The following HEATR6 variants were observed in gnomAD, a reference collection of about 807,000 sequenced individuals.
The protein encoded by HEATR6 is HEAT repeat containing 6, also known as HEAT repeat-containing protein 6.
A neutral mutation model predicts 132.8 loss-of-function variants in HEATR6; 106 were observed. The observed-to-expected ratio is 0.80, with a 90% CI of 0.68 to 0.94. HEATR6 has a LOEUF of 0.94. Ranked by LOEUF, HEATR6 falls within the 40% of genes least tolerant of loss-of-function variation. The pLI is 0.00. For synonymous variants in HEATR6, 529 were observed against 537.8 expected, an observed-to-expected ratio of 0.98 and a Z score of 0.23; for missense variants, 1,339 against 1,425.1, an observed-to-expected ratio of 0.94 and a Z score of 0.97.
chr17:60,047,842 C>T (rs144644745), intron 17 of HEATR6, among the ~76,000 whole-genome samples: 76 of 152,300 alleles, frequency 5.0e-4, no homozygotes, highest in African/African-American at 1.7e-3. Context: ...TAACCAGCTA[C>T]CTCTGGGGAG....
chr17:60,073,780 G>C lies in HEATR6; in HGVS notation c.434C>G (p.Ala145Gly), dbSNP rs200715816. The change falls in exon 3 of 20, where the codon GCT (alanine) becomes GGT (glycine). Residue 145 changes from alanine to glycine, a missense_variant. Physicochemically the swap from Ala to Gly is moderately conservative, Grantham distance 60. Coordinates refer to ENST00000184956, the MANE Select transcript of HEATR6 (RefSeq NM_022070.5). ...THREILQALAALVYCNGSKCQ... is the reference protein window; with the variant it reads ...THREILQALAGLVYCNGSKCQ... ...TTTGGAGCCATTGCAGTACACCAGA[G>C]CTGCCAGGGCTTGAAGAATTTCCCT... The C allele has an allele frequency of 1.9e-6, 3 of 1,614,018 alleles. No homozygotes were observed. Among genetic ancestry groups the C allele is most frequent in the Admixed American group, 3.3e-5 (2 of 60,010 alleles).
intron 8 of HEATR6, 34 bp from the exon 9 acceptor site, chr17:60,066,420 T>TA (rs200645690): frequency 1.4e-6 from 2 of 1,465,592 alleles, no homozygotes; most frequent in Non-Finnish European, 1.8e-6. Flanking sequence ...AAAAAACACT[T>TA]AAAAAATCAT....
Position 60,067,628 on chromosome 17 carries a change from T to C in HEATR6, c.1044A>G (p.Thr348=). The change falls in exon 8 of 20, where the codon ACA becomes ACG. Residue 348 remains threonine (T), a synonymous_variant. Coordinates refer to ENST00000184956, the MANE Select transcript of HEATR6 (RefSeq NM_022070.5). ...GEIEAAPVTG[T]GRVNLHEGNT... is the part of the protein sequence containing the mutation. Reference sequence around the variant, plus strand: ...TCCCTTCATGCAGGTTCACTCTGCCTGTGCCAGTGACTGGGGCTGCCTCTA... The same window carrying C: ...TCCCTTCATGCAGGTTCACTCTGCCCGTGCCAGTGACTGGGGCTGCCTCTA... 2 of 1,612,568 alleles carry C rather than the reference T, an allele frequency of 1.2e-6. No individual in the cohort carries two copies. The highest frequency in any genetic ancestry group is 1.7e-6 in the Non-Finnish European group (2 of 1,179,446).
chr17:60,056,151 C>A lies in HEATR6; in HGVS notation c.2166G>T (p.Gly722=). 6.2e-7 allele frequency: 1 copy of A among 1,613,998 alleles called. No homozygotes were observed. The highest frequency in any genetic ancestry group is 8.5e-7 in the Non-Finnish European group (1 of 1,179,920). Residue 722 remains glycine (G), a synonymous_variant, in exon 13 of 20, where the codon GGG becomes GGT. Transcript: ENST00000184956. ...ELGEVICKCM[G]EADPSIQLHG... ...GAAGCTGAATGGATGGATCTGCTTCCCCCATGCACTTGCAAATCACCTCTC... is the reference window on the plus strand; with the variant it reads ...GAAGCTGAATGGATGGATCTGCTTCACCCATGCACTTGCAAATCACCTCTC...
chr17:60,049,224 G>A (rs1486690427), intron 16 of HEATR6, among the ~76,000 whole-genome samples: 2 of 150,346 alleles, frequency 1.3e-5, no homozygotes, highest in African/African-American at 4.9e-5. Flanking sequence ...CACATCCCAG[G>A]CTCAAGTGAG....
In HEATR6 at chr17:60,048,998, A is replaced by AACG. The variant is rs1568608518; in HGVS notation, c.2547+581_2547+582insCGT. Among the ~76,000 whole-genome samples, 661 of 128,452 alleles carry AACG rather than the reference A, an allele frequency of 5.1e-3. 24 individuals carry two copies. Among genetic ancestry groups the AACG allele is most frequent in the African/African-American group, 0.019 (617 of 32,312 alleles). 84.3% of individuals were successfully genotyped at this position (128,452 alleles called of 152,430 possible). ...ATATATATATAATATATATATATAT[A>AACG]TATATATATATATATATATATGGTA... On this transcript the variant is annotated intron_variant, in intron 16 of 19. Transcript: ENST00000184956.
Position 60,046,211 on chromosome 17 carries a change from G to A in HEATR6, c.2788C>T (p.Arg930Trp), listed in dbSNP as rs758324010. ...DKDKVKSNAV[R>W]ALGNLLHFLQ... ...AAATGAAGCAAATTTCCAAGGGCCC[G>A]GACTGCATTGCTTTTTACCTAGAAA... Residue 930 changes from arginine to tryptophan, a missense_variant, in exon 19 of 20, where the codon CGG (arginine) becomes TGG (tryptophan). Transcript: ENST00000184956. 12 of 1,610,032 alleles carry A rather than the reference G, an allele frequency of 7.5e-6. No individual in the cohort carries two copies. The highest frequency in any genetic ancestry group is 3.3e-5 in the South Asian group (3 of 90,514).
Position 60,059,637 on chromosome 17 carries a change from CT to C in HEATR6, c.1624-117del, listed in dbSNP as rs946096023. 41 of 707,796 alleles carry C rather than the reference CT, an allele frequency of 5.8e-5. 1 individual carries two copies. Among genetic ancestry groups the C allele is most frequent in the South Asian group, 2.1e-4 (11 of 53,170 alleles). The allele number at this position is 707,796 out of a possible 1,614,324, so 43.8% of individuals were successfully genotyped here. The stretch of plus-strand genomic sequence containing the variant: ...TTCACACAACTAAAAATTAGCCCCC[CT>C]TTTTTTTAATAACACTTGTATTCTC... On this transcript the variant is annotated intron_variant, in intron 10 of 19. Coordinates refer to ENST00000184956, the MANE Select transcript of HEATR6 (RefSeq NM_022070.5).
In HEATR6 at chr17:60,041,577, A is replaced by G. The variant is rs750061326; in HGVS notation, c.*1986T>C. 8.5e-5 allele frequency among the ~76,000 whole-genome samples: 13 copies of G among 152,218 alleles called. No homozygotes were observed. Among genetic ancestry groups the G allele is most frequent in the Non-Finnish European group, 1.3e-4 (9 of 68,050 alleles). On this transcript the variant is annotated 3_prime_UTR_variant, in exon 20 of 20. Coordinates refer to ENST00000184956, the MANE Select transcript of HEATR6 (RefSeq NM_022070.5). ...GGGCCCTCTATAACACTTCATGTTCAGAATTGTCTCCAAATAAAAGCAATT... is the reference window on the plus strand; with the variant it reads ...GGGCCCTCTATAACACTTCATGTTCGGAATTGTCTCCAAATAAAAGCAATT...
In HEATR6 at chr17:60,078,739, A is replaced by C; in HGVS notation, c.176T>G (p.Leu59Arg). The change falls in exon 1 of 20, where the codon CTC becomes CGC. Residue 59 changes from leucine to arginine, a missense_variant. Coordinates refer to ENST00000184956, the MANE Select transcript of HEATR6 (RefSeq NM_022070.5). ...RTEIHLLFDQLISENYSEGSG... is the reference protein window; with the variant it reads ...RTEIHLLFDQRISENYSEGSG... Reference sequence around the variant, plus strand: ...GCCCTCGCTGTAGTTCTCGGAGATGAGCTGATCGAAGAGCAGGTGGATCTC... The same window carrying C: ...GCCCTCGCTGTAGTTCTCGGAGATGCGCTGATCGAAGAGCAGGTGGATCTC... 1 of 1,552,092 alleles carries C rather than the reference A, an allele frequency of 6.4e-7. No homozygotes were observed. The highest frequency in any genetic ancestry group is 8.7e-7 in the Non-Finnish European group (1 of 1,150,578).
At position 60,078,741 on chromosome 17, in the gene HEATR6, C is replaced by A; in HGVS notation, c.174G>T (p.Gln58His). Residue 58 changes from glutamine (Q) to histidine (H), a missense_variant, in exon 1 of 20, where the codon CAG (glutamine) becomes CAT (histidine). Coordinates refer to ENST00000184956, the MANE Select transcript of HEATR6 (RefSeq NM_022070.5). ...ARTEIHLLFD[Q>H]LISENYSEGS... is the part of the protein sequence containing the mutation. Reference sequence around the variant, plus strand: ...CCTCGCTGTAGTTCTCGGAGATGAGCTGATCGAAGAGCAGGTGGATCTCGG... The same window carrying A: ...CCTCGCTGTAGTTCTCGGAGATGAGATGATCGAAGAGCAGGTGGATCTCGG... 6.4e-7 allele frequency: 1 copy of A among 1,556,718 alleles called. No individual in the cohort carries two copies. The highest frequency in any genetic ancestry group is 8.7e-7 in the Non-Finnish European group (1 of 1,152,136).
rs142990127 is a variant in HEATR6 at position 60,067,480 on chromosome 17, C to G, written c.1192G>C (p.Glu398Gln). ...CCTTCAGCATCAGAAAAGTCTGACT[C>G]ACTACTGCTGACCCTTTTCCAACTG... ...SSSWKRVSSSESDFSDAEGGM... is the reference protein window; with the variant it reads ...SSSWKRVSSSQSDFSDAEGGM... Residue 398 changes from glutamate to glutamine, a missense_variant, in exon 8 of 20, where the codon GAG becomes CAG. By Grantham distance (29) the Glu-to-Gln change is conservative. Transcript: ENST00000184956. The G allele has an allele frequency of 6.3e-7, 1 of 1,588,986 alleles. No homozygotes were observed. Among genetic ancestry groups the G allele is most frequent in the African/African-American group, 1.4e-5 (1 of 73,532 alleles).
At chr17:60,067,867 G>A in intron 7 of HEATR6, 135 bp from the exon 8 acceptor site, 2 of 721,750 alleles carry the variant, frequency 2.8e-6, no homozygotes, top group South Asian at 2.1e-5. Flanking sequence ...AAAGAGAAAA[G>A]AAAAAAGTGT....
At chr17:60,078,101 T>G (rs918437977) in intron 1 of HEATR6, among the ~76,000 whole-genome samples, 1 of 152,204 alleles carries the variant, frequency 6.6e-6, no homozygotes. Context: ...ACTTCCCTCT[T>G]TCCTACGTAG....
At chr17:60,070,680 A>C in intron 6 of HEATR6, 26 bp downstream of exon 6, 4 of 1,273,990 alleles carry the variant, frequency 3.1e-6, no homozygotes, top group Non-Finnish European at 4.6e-6. Context: ...CAGGAAAGAC[A>C]ATGATCATAT....
Position 60,055,546 on chromosome 17 carries a change from G to C in HEATR6, c.2258C>G (p.Ala753Gly), listed in dbSNP as rs1906713101. Residue 753 changes from alanine (A) to glycine (G), a missense_variant, in exon 14 of 20, where the codon GCA becomes GGA. By Grantham distance (60) the Ala-to-Gly change is moderately conservative. Transcript: ENST00000184956. ...GACTGGTGCTCTCTGATCAGGTGCT[G>C]CAGTGGAGTCTGGTTTATACTGCTG... ...LIQQYKPDST[A>G]APDQRAPVFL... 8 of 1,613,056 alleles carry C rather than the reference G, an allele frequency of 5.0e-6. No individual in the cohort carries two copies. The highest frequency in any genetic ancestry group is 6.8e-6 in the Non-Finnish European group (8 of 1,179,394).
chr17:60,078,684 C>G lies in HEATR6; in HGVS notation c.219+12G>C, dbSNP rs1193871432. On this transcript the variant is annotated intron_variant, in intron 1 of 19. Transcript: ENST00000184956. ...GGGGCCGGGGCCGGGGCCAGCAGGG[C>G]GCGCCGCCTACCTCCGGGGCCACGC... The G allele has an allele frequency of 1.4e-5, 21 of 1,533,384 alleles. No homozygotes were observed. Among genetic ancestry groups the G allele is most frequent in the Non-Finnish European group, 1.8e-5 (20 of 1,141,390 alleles). The allele number at this position is 1,533,384 out of a possible 1,614,324, so 95.0% of individuals were successfully genotyped here. A position where few individuals can be genotyped will look rare whatever the true frequency, so the allele number is the denominator to read the frequency against.
At chr17:60,073,111 C>T (rs2083277964) in intron 4 of HEATR6, 53 bp downstream of exon 4, 1 of 1,031,522 alleles carries the variant, frequency 9.7e-7, no homozygotes, top group Non-Finnish European at 1.5e-6. Context: ...TACAAAGGGC[C>T]CAATAGAGGC....
intron 1 of HEATR6, 83 bp downstream of exon 1, chr17:60,078,613 T>TCAGGGAAAGG (rs2083308057): frequency 9.3e-7 from 1 of 1,073,430 alleles, no homozygotes; most frequent in Non-Finnish European, 1.3e-6. Context: ...AGTGGGAAGA[T>TCAGGGAAAGG]CAGGGAAAGG....
Sources: gnomAD v4.1 joint callset for allele counts (sites outside exome capture counted in the v4.1 genomes callset) on GRCh38, gnomAD v4.1.1 for gene constraint, MANE v1.5 for transcripts, NCBI Gene and HGNC (gene_info 2026-07-23, HGNC 2026-07-21) for gene names.